The following P3H2 variants were observed in gnomAD, a reference collection of about 807,000 sequenced individuals.
P3H2 encodes prolyl 3-hydroxylase 2, also known as leprecan-like 1.
In P3H2, 80 loss-of-function variants were observed where a neutral mutation model predicts 87.0. The observed-to-expected ratio is 0.92, with a 90% confidence interval of 0.77 to 1.11. P3H2 has a LOEUF of 1.11. P3H2 is among the 50% of genes least tolerant of loss of function. The pLI, the probability that P3H2 is intolerant of heterozygous loss-of-function variation, is 0.00. For synonymous variants in P3H2, 367 were observed against 359.3 expected (o/e 1.02, Z -0.24); for missense variants, 1,001 against 923.9 (o/e 1.08, Z -1.08).
At chr3:189,979,839 G>A (rs1395676590) in intron 8 of P3H2, among the ~76,000 whole-genome samples, 2 of 151,608 alleles carry the variant, frequency 1.3e-5, no homozygotes, top group Admixed American at 1.3e-4. Flanking sequence ...ATGGTGGCAT[G>A]CACCTGTAGT....
chr3:189,988,807 A>G, intron 4 of P3H2, 100 bp downstream of exon 4: 1 of 1,430,362 alleles, frequency 7.0e-7, no homozygotes, highest in Non-Finnish European at 9.9e-7. Context: ...TGCTTTCATA[A>G]TAAACTGAAG....
intron 1 of P3H2, among the ~76,000 whole-genome samples, chr3:190,109,180 A>G (rs1313974519): frequency 2.0e-5 from 3 of 152,204 alleles, no homozygotes; most frequent in Admixed American, 6.5e-5. Flanking sequence ...TGAGACCTTT[A>G]GACTTCAATC....
intron 1 of P3H2, among the ~76,000 whole-genome samples, chr3:190,077,412 G>T (rs538430597): frequency 1.3e-5 from 2 of 152,186 alleles, no homozygotes; most frequent in East Asian, 3.9e-4. Flanking sequence ...TTCCTTCCTA[G>T]GTCTCCACCT....
intron 1 of P3H2, among the ~76,000 whole-genome samples, chr3:190,030,013 A>G (rs144748820): frequency 1.4e-5 from 2 of 145,054 alleles, no homozygotes; most frequent in Non-Finnish European, 3.1e-5. Flanking sequence ...AAAAAAAAAA[A>G]GAAAAAAAAA....
chr3:190,068,520 G>A (rs1244272918), intron 1 of P3H2, among the ~76,000 whole-genome samples: 1 of 152,164 alleles, frequency 6.6e-6, no homozygotes, highest in Admixed American at 6.5e-5. Flanking sequence ...GCTAGATTTG[G>A]TAAATCAGGC....
intron 1 of P3H2, among the ~76,000 whole-genome samples, chr3:190,058,410 G>A (rs368988627): frequency 3.3e-5 from 5 of 152,200 alleles, no homozygotes; most frequent in East Asian, 1.9e-4. Context: ...AAAACAAGGC[G>A]AAAACTACGG....
At chr3:189,984,660 TA>T in intron 6 of P3H2, 70 bp from the exon 7 acceptor site, 1 of 1,046,480 alleles carries the variant, frequency 9.6e-7, no homozygotes. Flanking sequence ...AGAATTAAGA[TA>T]AAATAAAATA....
chr3:189,982,504 C>T (rs566461631), intron 8 of P3H2, among the ~76,000 whole-genome samples: 8 of 152,284 alleles, frequency 5.3e-5, no homozygotes, highest in Admixed American at 3.3e-4. Flanking sequence ...CCGCTCGCTT[C>T]GTCTCTGTGC....
chr3:190,083,667 C>T (rs1403419), intron 1 of P3H2, among the ~76,000 whole-genome samples: 15,847 of 152,182 alleles, frequency 0.1, 2,228 homozygotes, highest in African/African-American at 0.32. Flanking sequence ...GTATAAGAAT[C>T]CCCTAGTCAC....
At chr3:190,003,176 C>T (rs1226041742) in intron 1 of P3H2, among the ~76,000 whole-genome samples, 1 of 152,010 alleles carries the variant, frequency 6.6e-6, no homozygotes. Context: ...TTTCTTTTGC[C>T]AAACTGCTTA....
At chr3:189,969,153 C>G (rs1324422343) in intron 13 of P3H2, 2 of 615,840 alleles carry the variant, frequency 3.2e-6, no homozygotes, top group Non-Finnish European at 6.0e-6. Flanking sequence ...CTTTCGGGGT[C>G]TGTAAGTCCC....
chr3:190,101,428 G>A (rs1396763129), intron 1 of P3H2, among the ~76,000 whole-genome samples: 1 of 136,506 alleles, frequency 7.3e-6, no homozygotes, highest in Admixed American at 7.4e-5. Flanking sequence ...CTACTACAGT[G>A]AACACATGGA....
At position 190,120,394 on chromosome 3, in the gene P3H2, A is replaced by T. The variant is rs1712506250; in HGVS notation, c.338T>A (p.Leu113Ter). Residue 113 changes from leucine (L) to a stop codon, truncating the protein, a stop_gained, in exon 1 of 15, where the codon TTG becomes TAG. Coordinates refer to ENST00000319332, the MANE Select transcript of P3H2 (RefSeq NM_018192.4). LOFTEE classifies it high-confidence loss of function. ...GCGATAACAGCGCGCCCGCCCCAAC[A>T]AGGAGCGGAAAAGGGGCAGCTCAGC... is the stretch of plus-strand genomic sequence containing the variant. ...PGAELPLFRS[L>*]LGRARCYRSC... 6.5e-7 allele frequency: 1 copy of T among 1,544,360 alleles called. No individual in the cohort carries two copies. Among genetic ancestry groups the T allele is most frequent in the Non-Finnish European group, 8.7e-7 (1 of 1,151,386 alleles).
Position 189,970,851 on chromosome 3 carries a change from A to G in P3H2, c.1858T>C (p.Phe620Leu), listed in dbSNP as rs1317247440. Residue 620 changes from phenylalanine (F) to leucine (L), a missense_variant, in exon 13 of 15, where the codon TTC (phenylalanine) becomes CTC (leucine). Transcript: ENST00000319332. Reference protein sequence around the residue: ...YMNDDFEGGEFIFTEMDAKTV... With the variant: ...YMNDDFEGGELIFTEMDAKTV... ...TTAGCATCCATCTCTGTGAATATGA[A>G]TTCTCCTCCTTCAAAGTCATCATTC... 6.3e-7 allele frequency: 1 copy of G among 1,591,722 alleles called. No individual in the cohort carries two copies. The highest frequency in any genetic ancestry group is 8.6e-7 in the Non-Finnish European group (1 of 1,159,766).
intron 14 of P3H2, among the ~76,000 whole-genome samples, chr3:189,960,368 C>G (rs913702917): frequency 6.6e-6 from 1 of 152,252 alleles, no homozygotes; most frequent in African/African-American, 2.4e-5. Context: ...TCCAGAAGAG[C>G]AGGGCATCTT....
intron 8 of P3H2, among the ~76,000 whole-genome samples, chr3:189,978,795 C>G (rs1723433900): frequency 6.6e-6 from 1 of 151,786 alleles, no homozygotes; most frequent in Non-Finnish European, 1.5e-5. Flanking sequence ...TAGTAGCACA[C>G]CAGACAGAGG....
intron 1 of P3H2, among the ~76,000 whole-genome samples, chr3:190,001,079 A>G (rs190257823): frequency 2.2e-3 from 333 of 152,258 alleles, no homozygotes; most frequent in Non-Finnish European, 3.7e-3. Context: ...TCCTTGCTCT[A>G]ACAATGTTTC....
intron 8 of P3H2, among the ~76,000 whole-genome samples, chr3:189,979,382 C>T (rs534852200): frequency 4.6e-5 from 7 of 152,040 alleles, no homozygotes; most frequent in Middle Eastern, 3.4e-3. Flanking sequence ...GAGCCAAGAT[C>T]GTGCCACTGT....
intron 1 of P3H2, among the ~76,000 whole-genome samples, chr3:190,090,142 T>C (rs1432600333): frequency 2.0e-5 from 3 of 152,230 alleles, no homozygotes; most frequent in Non-Finnish European, 4.4e-5. Flanking sequence ...TTTCTCATTA[T>C]GCATCAGGTC....
Sources: gnomAD v4.1 joint callset for allele counts (sites outside exome capture counted in the v4.1 genomes callset) on GRCh38, gnomAD v4.1.1 for gene constraint, MANE v1.5 for transcripts, NCBI Gene and HGNC (gene_info 2026-07-23, HGNC 2026-07-21) for gene names.